Variants in SEPTIN7 observed in about 807,000 individuals in gnomAD.
SEPTIN7 encodes the protein septin 7.
Under a neutral mutation model 63.3 loss-of-function variants are expected in SEPTIN7, and 10 were observed. The ratio of observed to expected loss-of-function variants is 0.16; its 90% CI spans 0.10 to 0.27. The LOEUF is 0.27. SEPTIN7 is among the 10% of genes least tolerant of loss of function. SEPTIN7 has a pLI of 1.00. For missense variants in SEPTIN7, 310 were observed against 521.0 expected (o/e 0.59, Z 3.94); for synonymous variants, 131 against 165.3 (o/e 0.79, Z 1.59).
intron 1 of SEPTIN7, among the ~76,000 whole-genome samples, chr7:35,815,393 G>A (rs1030909141): frequency 6.6e-6 from 1 of 152,136 alleles, no homozygotes; most frequent in Non-Finnish European, 1.5e-5. Flanking sequence ...AAAAATATTT[G>A]CATATGTATA....
At chr7:35,908,642 C>T (rs1185301276), downstream of SEPTIN7, among the ~76,000 whole-genome samples, 2 of 152,290 alleles carry the variant, frequency 1.3e-5, no homozygotes, top group East Asian at 3.9e-4. Context: ...AGGAGGCTAG[C>T]AGAGGGGGGG....
chr7:35,850,406 G>C (rs1231695608), intron 3 of SEPTIN7, among the ~76,000 whole-genome samples: 2 of 152,170 alleles, frequency 1.3e-5, no homozygotes, highest in Non-Finnish European at 2.9e-5. Context: ...GAACAAGGTA[G>C]AAAAGCTCCA....
At chr7:35,865,154 A>G (rs1562559527) in intron 4 of SEPTIN7, among the ~76,000 whole-genome samples, 1 of 152,152 alleles carries the variant, frequency 6.6e-6, no homozygotes, top group Non-Finnish European at 1.5e-5. Flanking sequence ...CCTAAGCAAG[A>G]AAATGAACTT....
At chr7:35,873,529 C>T in intron 5 of SEPTIN7, 112 bp from the exon 6 acceptor site, 1 of 940,336 alleles carries the variant, frequency 1.1e-6, no homozygotes, top group African/African-American at 1.7e-5. Flanking sequence ...GACATATCTT[C>T]TACTGGTAAA....
intron 1 of SEPTIN7, among the ~76,000 whole-genome samples, chr7:35,818,618 T>G (rs1415798147): frequency 6.6e-6 from 1 of 151,764 alleles, no homozygotes; most frequent in Non-Finnish European, 1.5e-5. Flanking sequence ...CTTTTTGGGG[T>G]GTGTGTGTGT....
At chr7:35,913,135 G>A in the SEPTIN7 span, among the ~76,000 whole-genome samples, 77 of 152,232 alleles carry the variant, frequency 5.1e-4, no homozygotes, top group African/African-American at 1.8e-3. Context: ...ATGTGAGAAT[G>A]TGCCTGTTGC....
chr7:35,896,192 G>T (rs769765237), intron 11 of SEPTIN7, among the ~76,000 whole-genome samples: 2 of 151,964 alleles, frequency 1.3e-5, no homozygotes, highest in African/African-American at 4.8e-5. Flanking sequence ...AATTTAGGTG[G>T]CAAAAATACT....
At chr7:35,848,853 G>A (rs1272184407) in intron 3 of SEPTIN7, among the ~76,000 whole-genome samples, 3 of 152,174 alleles carry the variant, frequency 2.0e-5, no homozygotes, top group Non-Finnish European at 2.9e-5. Context: ...GTTGTATAAA[G>A]AATGCTTCTA....
At chr7:35,811,361 A>G (rs756287560) in intron 1 of SEPTIN7, among the ~76,000 whole-genome samples, 3 of 152,210 alleles carry the variant, frequency 2.0e-5, no homozygotes, top group Non-Finnish European at 4.4e-5. Flanking sequence ...AAAATTTAGT[A>G]TATAAACTTG....
chr7:35,904,120 T>G (rs555391730), intron 13 of SEPTIN7, 134 bp from the exon 14 acceptor site: 45 of 545,068 alleles, frequency 8.3e-5, no homozygotes, highest in African/African-American at 4.1e-4. Flanking sequence ...TCTAAATCTT[T>G]TAATTTTTTT....
chr7:35,912,730 G>A, the SEPTIN7 span, among the ~76,000 whole-genome samples: 1 of 152,172 alleles, frequency 6.6e-6, no homozygotes, highest in Non-Finnish European at 1.5e-5. Flanking sequence ...ATTATCCAGA[G>A]CCCTTCTAAG....
intron 4 of SEPTIN7, among the ~76,000 whole-genome samples, chr7:35,871,511 C>CT (rs1786149658): frequency 6.6e-6 from 1 of 152,186 alleles, no homozygotes; most frequent in Non-Finnish European, 1.5e-5. Context: ...AGTTGATACC[C>CT]TAGGATTTGG....
intron 10 of SEPTIN7, among the ~76,000 whole-genome samples, chr7:35,889,764 G>A (rs529633799): frequency 2.6e-5 from 4 of 152,210 alleles, no homozygotes; most frequent in East Asian, 1.9e-4. Flanking sequence ...GGCTGGTCTC[G>A]AACCCCTGAG....
At chr7:35,833,601 T>C (rs1005332594) in intron 3 of SEPTIN7, among the ~76,000 whole-genome samples, 33 of 152,040 alleles carry the variant, frequency 2.2e-4, no homozygotes, top group Admixed American at 2.0e-3. Flanking sequence ...CTATACAGTA[T>C]TTTCACCTCA....
At position 35,904,458 on chromosome 7, in the gene SEPTIN7, T is replaced by C. The variant is rs1788503201; in HGVS notation, c.*165T>C. ...TTTTTGTTCTTGATGGAGATTAAGA[T>C]GCCTTGAATTGTCTAGGGTGTTCTG... is the stretch of plus-strand genomic sequence containing the variant. On this transcript the variant is annotated 3_prime_UTR_variant, in exon 14 of 14. Transcript: ENST00000350320. 5.9e-6 allele frequency: 3 copies of C among 507,194 alleles called. No individual in the cohort carries two copies. The highest frequency in any genetic ancestry group is 4.0e-5 in the Admixed American group (1 of 24,750). 31.4% of individuals were successfully genotyped at this position (507,194 alleles called of 1,614,324 possible).
At chr7:35,859,098 G>C (rs1022646354) in intron 3 of SEPTIN7, among the ~76,000 whole-genome samples, 3 of 151,934 alleles carry the variant, frequency 2.0e-5, no homozygotes, top group African/African-American at 7.3e-5. Flanking sequence ...TGTAAACATA[G>C]GTTGTTTTTT....
At chr7:35,870,766 G>A (rs1786092253) in intron 4 of SEPTIN7, among the ~76,000 whole-genome samples, 1 of 149,856 alleles carries the variant, frequency 6.7e-6, no homozygotes, top group Admixed American at 6.7e-5. Context: ...GAGTGAGGCT[G>A]CAGTAAGCTA....
downstream of SEPTIN7, among the ~76,000 whole-genome samples, chr7:35,910,473 G>A (rs1179686164): frequency 6.6e-6 from 1 of 152,198 alleles, no homozygotes; most frequent in African/African-American, 2.4e-5. Flanking sequence ...GATGGGTCTA[G>A]TAATGGTAAA....
At chr7:35,806,623 C>T (rs1413023045) in intron 1 of SEPTIN7, among the ~76,000 whole-genome samples, 1 of 152,182 alleles carries the variant, frequency 6.6e-6, no homozygotes, top group African/African-American at 2.4e-5. Context: ...ATCTTGTAGC[C>T]TTTATTCTAA....
Sources: allele counts gnomAD v4.1 joint callset (sites outside exome capture counted in the v4.1 genomes callset), GRCh38; gene constraint gnomAD v4.1.1; transcripts MANE v1.5; gene names NCBI Gene and HGNC (gene_info 2026-07-23, HGNC 2026-07-21).